The following PAX5 variants were observed in gnomAD, a reference collection of about 807,000 sequenced individuals.
PAX5 encodes paired box protein Pax-5.
A neutral mutation model predicts 43.7 loss-of-function variants in PAX5; 9 were observed. The ratio of observed to expected loss-of-function variants is 0.21; its 90% CI spans 0.12 to 0.36. PAX5 has a LOEUF of 0.36. Among genes scored for constraint, PAX5 ranks in the 10% least tolerant of loss-of-function variants. The probability of loss-of-function intolerance (pLI) is 1.00; values close to 1 mark genes in which losing one functional copy is unlikely to be tolerated. For missense variants in PAX5, 383 were observed against 532.7 expected (o/e 0.72, Z 2.77); for synonymous variants, 228 against 214.3 (o/e 1.06, Z -0.56).
At chr9:36,890,758 C>T (rs78311088) in intron 7 of PAX5, among the ~76,000 whole-genome samples, 13 of 152,280 alleles carry the variant, frequency 8.5e-5, no homozygotes, top group Non-Finnish European at 1.5e-4. Flanking sequence ...CTTCCTGGAG[C>T]CCCTGAATTA....
At chr9:37,004,137 C>T (rs185577105) in intron 4 of PAX5, among the ~76,000 whole-genome samples, 232 of 152,348 alleles carry the variant, frequency 1.5e-3, no homozygotes, top group African/African-American at 5.1e-3. Flanking sequence ...AGATTTCCCC[C>T]GCCCAGAAAT....
At chr9:36,974,062 C>T (rs1028961169) in intron 5 of PAX5, among the ~76,000 whole-genome samples, 4 of 151,996 alleles carry the variant, frequency 2.6e-5, no homozygotes, top group Non-Finnish European at 5.9e-5. Context: ...GGCCTGTAGT[C>T]CCAGCTACTT....
intron 8 of PAX5, among the ~76,000 whole-genome samples, chr9:36,879,647 G>C (rs1287857148): frequency 6.6e-6 from 1 of 152,214 alleles, no homozygotes; most frequent in African/African-American, 2.4e-5. Context: ...AAATTCCCTG[G>C]CTTCTCCGGG....
At chr9:36,963,891 T>C (rs958596463) in intron 6 of PAX5, among the ~76,000 whole-genome samples, 1 of 152,142 alleles carries the variant, frequency 6.6e-6, no homozygotes, top group Non-Finnish European at 1.5e-5. Flanking sequence ...ACATGCCCTG[T>C]CCTCTCTCTG....
In PAX5 at chr9:37,034,139, C is replaced by T. The variant is rs1841310718; in HGVS notation, c.-108G>A. On this transcript the variant is annotated 5_prime_UTR_variant, in exon 1 of 10. Coordinates refer to ENST00000358127, the MANE Select transcript of PAX5 (RefSeq NM_016734.3). ...TTTTTTTTTTTTTGGTGCCAGGGGC[C>T]GCTCACAGGTCGGAATAATTCAAGC... 1 of 626,742 alleles carries T rather than the reference C, an allele frequency of 1.6e-6. No individual in the cohort carries two copies. Among genetic ancestry groups the T allele is most frequent in the Non-Finnish European group, 2.6e-6 (1 of 382,958 alleles). The allele number at this position is 626,742 out of a possible 1,614,324, so 38.8% of individuals were successfully genotyped here.
intron 8 of PAX5, among the ~76,000 whole-genome samples, chr9:36,863,907 A>G (rs560343350): frequency 3.7e-4 from 56 of 152,306 alleles, no homozygotes; most frequent in African/African-American, 8.2e-4. Flanking sequence ...TCAGGAGCTC[A>G]AGACCAGCCT....
At chr9:36,901,826 C>T (rs1484951707) in intron 7 of PAX5, among the ~76,000 whole-genome samples, 1 of 152,168 alleles carries the variant, frequency 6.6e-6, no homozygotes, top group Non-Finnish European at 1.5e-5. Context: ...AAGTCTTTCC[C>T]TGCTGCCCTC....
At chr9:36,881,396 C>T (rs974487100) in intron 8 of PAX5, among the ~76,000 whole-genome samples, 5 of 152,114 alleles carry the variant, frequency 3.3e-5, no homozygotes, top group Non-Finnish European at 7.3e-5. Flanking sequence ...CAGCCAGTAC[C>T]GCTTGTCCCC....
At chr9:36,859,383 A>C (rs929652910) in intron 8 of PAX5, among the ~76,000 whole-genome samples, 2 of 152,200 alleles carry the variant, frequency 1.3e-5, no homozygotes, top group African/African-American at 4.8e-5. Context: ...TCAAGGAAGA[A>C]GCCAAAGACC....
Position 36,969,369 on chromosome 9 carries a change from G to A in PAX5, c.605-2645C>T, listed in dbSNP as rs561176575. Among the ~76,000 whole-genome samples the A allele has an allele frequency of 5.6e-4, 86 of 152,226 alleles. 1 individual carries two copies. Among genetic ancestry groups the A allele is most frequent in the African/African-American group, 1.2e-3 (49 of 41,492 alleles). ...CCTCAGGCTTGATCCCTCTCCCCCGGGACTCATGGGCCAGGCTCTTTCCAC... is the reference window on the plus strand; with the variant it reads ...CCTCAGGCTTGATCCCTCTCCCCCGAGACTCATGGGCCAGGCTCTTTCCAC... On this transcript the variant is annotated intron_variant, in intron 5 of 9. Transcript: ENST00000358127.
chr9:36,883,844 A>T (rs923409715), intron 7 of PAX5, among the ~76,000 whole-genome samples: 1 of 152,214 alleles, frequency 6.6e-6, no homozygotes, highest in Non-Finnish European at 1.5e-5. Flanking sequence ...GATGATATTT[A>T]AAAACATAAA....
chr9:36,900,943 T>C (rs1828335807), intron 7 of PAX5, among the ~76,000 whole-genome samples: 1 of 152,096 alleles, frequency 6.6e-6, no homozygotes, highest in Admixed American at 6.5e-5. Flanking sequence ...GGGAGCATCG[T>C]TGATGGCCGC....
intron 6 of PAX5, among the ~76,000 whole-genome samples, chr9:36,949,252 G>C (rs1234678406): frequency 1.3e-5 from 2 of 152,048 alleles, no homozygotes; most frequent in Admixed American, 6.5e-5. Context: ...AGTAGAGACG[G>C]GGTTTCACCA....
chr9:36,943,529 T>TCACACACACACAC (rs35815065), intron 6 of PAX5, among the ~76,000 whole-genome samples: 1 of 145,912 alleles, frequency 6.9e-6, no homozygotes, highest in Non-Finnish European at 1.5e-5. Flanking sequence ...TAGTTCAACA[T>TCACACACACACAC]ACACACACAC....
intron 5 of PAX5, among the ~76,000 whole-genome samples, chr9:36,969,716 G>A (rs1265874931): frequency 1.3e-5 from 2 of 152,262 alleles, no homozygotes; most frequent in Non-Finnish European, 2.9e-5. Flanking sequence ...AGGCGCCGTG[G>A]CTCATGCCTG....
intron 5 of PAX5, among the ~76,000 whole-genome samples, chr9:36,995,571 G>C (rs1423935797): frequency 6.6e-6 from 1 of 152,134 alleles, no homozygotes; most frequent in Non-Finnish European, 1.5e-5. Flanking sequence ...GGAAAGGAGG[G>C]AGAGGAAAAC....
intron 7 of PAX5, among the ~76,000 whole-genome samples, chr9:36,914,081 C>T (rs1323599001): frequency 6.6e-6 from 1 of 152,208 alleles, no homozygotes; most frequent in African/African-American, 2.4e-5. Flanking sequence ...ATGGGGGCTT[C>T]TCCCTGCCTG....
chr9:37,016,425 C>A (rs921770223), intron 2 of PAX5, among the ~76,000 whole-genome samples: 2 of 152,204 alleles, frequency 1.3e-5, no homozygotes, highest in South Asian at 2.1e-4. Context: ...CTTCCAGGGA[C>A]CTCCCCTGAG....
At chr9:36,902,053 C>T (rs1195364175) in intron 7 of PAX5, among the ~76,000 whole-genome samples, 1 of 152,030 alleles carries the variant, frequency 6.6e-6, no homozygotes, top group Admixed American at 6.6e-5. Flanking sequence ...CCAGGGTGTC[C>T]CTGTGATTTT....
Sources: allele counts gnomAD v4.1 joint callset (sites outside exome capture counted in the v4.1 genomes callset), GRCh38; gene constraint gnomAD v4.1.1; transcripts MANE v1.5; gene names NCBI Gene and HGNC (gene_info 2026-07-23, HGNC 2026-07-21).